ZBTB39: variants seen among roughly 807,000 people sequenced by gnomAD.
ZBTB39 encodes zinc finger and BTB domain-containing protein 39.
ZBTB39 carries 25 observed loss-of-function variants against 39.4 expected under a neutral mutation model. The observed-to-expected ratio is 0.63, with a 90% CI of 0.46 to 0.89. The LOEUF is 0.89. Ranked by LOEUF, ZBTB39 falls within the 40% of genes least tolerant of loss-of-function variation. The probability of loss-of-function intolerance (pLI) is 0.00; values close to 1 mark genes in which losing one functional copy is unlikely to be tolerated. For missense variants in ZBTB39, 891 were observed against 909.7 expected, an observed-to-expected ratio of 0.98 and a Z score of 0.26; for synonymous variants, 373 against 359.6, an observed-to-expected ratio of 1.04 and a Z score of -0.42.
Position 57,000,076 on chromosome 12 carries a change from CA to C in ZBTB39, c.*2702del, listed in dbSNP as rs1565629362. 1 of 152,058 alleles carries C rather than the reference CA, an allele frequency of 6.6e-6. No individual in the cohort carries two copies. Among genetic ancestry groups the C allele is most frequent in the Non-Finnish European group, 1.5e-5 (1 of 67,984 alleles). The allele number at this position is 152,058 out of a possible 1,614,324, so 9.4% of individuals were successfully genotyped here. A position where few individuals can be genotyped will look rare whatever the true frequency, so the allele number is the denominator to read the frequency against. On this transcript the variant is annotated 3_prime_UTR_variant, in exon 2 of 2. Transcript: ENST00000300101. ...AGGTATCCCAGGGTGCCCTCTGCCA[CA>C]ATATAGTGTTTCAAGCAAAACCATT...
rs751035581 is a variant in ZBTB39, at chr12:57,003,813, G to A, written c.1105C>T (p.Leu369=). The A allele has an allele frequency of 2.5e-6, 4 of 1,614,206 alleles. No homozygotes were observed. The highest frequency in any genetic ancestry group is 3.4e-6 in the Non-Finnish European group (4 of 1,180,044). The change falls in exon 2 of 2, where the codon CTG becomes TTG. Residue 369 remains leucine, a synonymous_variant. Transcript: ENST00000300101. This position sits in a 1 kb window ranked among gnomAD's most constrained non-coding sequence, Gnocchi z 4.8. ...IRQHARDHVD[L]LTGNCKVCET... is the part of the protein sequence containing the mutation. ...CAGACCTTGCAGTTGCCCGTCAGCA[G>A]GTCCACATGGTCCCGAGCATGCTGC...
rs1956197713 is a variant in ZBTB39, at chr12:56,999,452, A to G, written c.*3327T>C. The G allele has an allele frequency of 6.6e-6, 1 of 152,314 alleles. No homozygotes were observed. Among genetic ancestry groups the G allele is most frequent in the Non-Finnish European group, 1.5e-5 (1 of 68,018 alleles). The allele number at this position is 152,314 out of a possible 1,614,324, so 9.4% of individuals were successfully genotyped here. ...AGCCCAAAGGTTTGGCCTGGAGACAAACAGGTACTCACAGATCAGAAAAGC... is the reference window on the plus strand; with the variant it reads ...AGCCCAAAGGTTTGGCCTGGAGACAGACAGGTACTCACAGATCAGAAAAGC... On this transcript the variant is annotated 3_prime_UTR_variant, in exon 2 of 2. Coordinates refer to ENST00000300101, the MANE Select transcript of ZBTB39 (RefSeq NM_014830.3).
rs773261189 is a variant in ZBTB39, at chr12:57,004,609, G to A, written c.309C>T (p.Tyr103=). Residue 103 remains tyrosine (Y), a synonymous_variant, in exon 2 of 2, where the codon TAC becomes TAT. Coordinates refer to ENST00000300101, the MANE Select transcript of ZBTB39 (RefSeq NM_014830.3). The part of the protein sequence containing the change: ...FTDLINVGVI[Y]EVAERLGMED... Reference sequence around the variant, plus strand: ...CCATACCCAGACGCTCAGCTACCTCGTAGATGACCCCAACATTGATCAGGT... The same window carrying A: ...CCATACCCAGACGCTCAGCTACCTCATAGATGACCCCAACATTGATCAGGT... 7 of 1,614,216 alleles carry A rather than the reference G, an allele frequency of 4.3e-6. No homozygotes were observed. Among genetic ancestry groups the A allele is most frequent in the East Asian group, 2.2e-5 (1 of 44,882 alleles).
rs1956226383 is a variant in ZBTB39, at chr12:57,003,754, T to C, written c.1164A>G (p.Val388=). Residue 388 remains valine (V), a synonymous_variant, in exon 2 of 2, where the codon GTA becomes GTG. Coordinates refer to ENST00000300101, the MANE Select transcript of ZBTB39 (RefSeq NM_014830.3). This position sits in a 1 kb window ranked among gnomAD's most constrained non-coding sequence, Gnocchi z 4.8. ...ETHFQDRNSR[V]THVLSHIGIF... ...TACCAATGTGGGACAGGACATGAGT[T>C]ACCCGGGAGTTTCGGTCCTGGAAGT... The C allele has an allele frequency of 6.2e-7, 1 of 1,614,198 alleles. No homozygotes were observed. The highest frequency in any genetic ancestry group is 2.2e-5 in the East Asian group (1 of 44,890).
Position 57,004,138 on chromosome 12 carries a change from G to A in ZBTB39, c.780C>T (p.Phe260=). Residue 260 remains phenylalanine (F), a synonymous_variant, in exon 2 of 2, where the codon TTC becomes TTT. Coordinates refer to ENST00000300101, the MANE Select transcript of ZBTB39 (RefSeq NM_014830.3). ...TGTCTACTGCATTGTCAGGGGTGAG[G>A]AAGCTGTTTTTACTGAAGTCTCCAT... ...QSNGDFSKNS[F]LTPDNAVDIT... The A allele has an allele frequency of 6.2e-7, 1 of 1,614,208 alleles. No individual in the cohort carries two copies. The highest frequency in any genetic ancestry group is 8.5e-7 in the Non-Finnish European group (1 of 1,180,044).
At position 56,998,846 on chromosome 12, in the gene ZBTB39, CTTTT is replaced by C. The variant is rs958677440; in HGVS notation, c.*3929_*3932del. ...GGAAGAGAACTCTCATTTCAAATTT[CTTTT>C]TTTATTCTAAATAAAAACCACACTT... is the stretch of plus-strand genomic sequence containing the variant. On this transcript the variant is annotated 3_prime_UTR_variant, in exon 2 of 2. Coordinates refer to ENST00000300101, the MANE Select transcript of ZBTB39 (RefSeq NM_014830.3). 6.6e-6 allele frequency: 1 copy of C among 152,578 alleles called. No homozygotes were observed. The highest frequency in any genetic ancestry group is 1.5e-5 in the Non-Finnish European group (1 of 68,016). 9.5% of individuals were successfully genotyped at this position (152,578 alleles called of 1,614,324 possible).
Position 57,003,755 on chromosome 12 carries a change from AC to A in ZBTB39, c.1162del (p.Val388Ter). The part of the protein sequence containing the change: ...ETHFQDRNSR[V>X]THVLSHIGIF... ...ACCAATGTGGGACAGGACATGAGTT[AC>A]CCGGGAGTTTCGGTCCTGGAAGTGG... On this transcript the variant is annotated frameshift_variant, in exon 2 of 2. Coordinates refer to ENST00000300101, the MANE Select transcript of ZBTB39 (RefSeq NM_014830.3). LOFTEE classifies it high-confidence loss of function. This position sits in a 1 kb window ranked among gnomAD's most constrained non-coding sequence, Gnocchi z 4.8. 6.2e-7 allele frequency: 1 copy of A among 1,614,148 alleles called. No individual in the cohort carries two copies. Among genetic ancestry groups the A allele is most frequent in the Non-Finnish European group, 8.5e-7 (1 of 1,180,028 alleles).
chr12:57,004,360 C>G lies in ZBTB39; in HGVS notation c.558G>C (p.Glu186Asp). The G allele has an allele frequency of 6.2e-7, 1 of 1,614,200 alleles. No homozygotes were observed. The highest frequency in any genetic ancestry group is 1.3e-5 in the African/African-American group (1 of 75,048). The change falls in exon 2 of 2, where the codon GAG becomes GAC. Residue 186 changes from glutamate to aspartate, a missense_variant. Glu to Asp is a conservative substitution (Grantham distance 45, BLOSUM62 2). Coordinates refer to ENST00000300101, the MANE Select transcript of ZBTB39 (RefSeq NM_014830.3). Reference sequence around the variant, plus strand: ...GGTTAGCGTCACTGGCAACATTCTTCTCTTCCTCTTTATAGCTCCCTCCAG... The same window carrying G: ...GGTTAGCGTCACTGGCAACATTCTTGTCTTCCTCTTTATAGCTCCCTCCAG... ...SDAGGSYKEE[E>D]KNVASDANHS...
Position 57,000,784 on chromosome 12 carries a change from C to T in ZBTB39, c.*1995G>A, listed in dbSNP as rs1956205528. 1 of 152,228 alleles carries T rather than the reference C, an allele frequency of 6.6e-6. No individual in the cohort carries two copies. Among genetic ancestry groups the T allele is most frequent in the Non-Finnish European group, 1.5e-5 (1 of 68,064 alleles). The allele number at this position is 152,228 out of a possible 1,614,324, so 9.4% of individuals were successfully genotyped here. On this transcript the variant is annotated 3_prime_UTR_variant, in exon 2 of 2. Coordinates refer to ENST00000300101, the MANE Select transcript of ZBTB39 (RefSeq NM_014830.3). ...CTGGCCACTGTACAAGTCCCTTCAT[C>T]TAATGGTCACCCCACCAGAGAGCCA...
rs189761622 is a variant in ZBTB39, at chr12:56,998,979, G to T, written c.*3800C>A. On this transcript the variant is annotated 3_prime_UTR_variant, in exon 2 of 2. Transcript: ENST00000300101. ...AAATATACAAAACTTTACAGCAATA[G>T]ATAGTAAACACTTAAATATTAGGAG... is the stretch of plus-strand genomic sequence containing the variant. The T allele has an allele frequency of 3.8e-4, 58 of 152,724 alleles. No homozygotes were observed. The highest frequency in any genetic ancestry group is 1.6e-4 in the Non-Finnish European group (11 of 68,024). The allele number at this position is 152,724 out of a possible 1,614,324, so 9.5% of individuals were successfully genotyped here. A position where few individuals can be genotyped will look rare whatever the true frequency, so the allele number is the denominator to read the frequency against.
In ZBTB39 at chr12:57,002,633, T is replaced by G; in HGVS notation, c.*146A>C. ...ACAGTAACAGCTTATGTGCTATTTCTTCTTCTTTTCTTCTTTAAACACAAC... is the reference window on the plus strand; with the variant it reads ...ACAGTAACAGCTTATGTGCTATTTCGTCTTCTTTTCTTCTTTAAACACAAC... On this transcript the variant is annotated 3_prime_UTR_variant, in exon 2 of 2. Transcript: ENST00000300101. The G allele has an allele frequency of 2.7e-6, 2 of 752,834 alleles. No homozygotes were observed. Among genetic ancestry groups the G allele is most frequent in the Admixed American group, 2.9e-5 (1 of 34,766 alleles). 46.6% of individuals were successfully genotyped at this position (752,834 alleles called of 1,614,324 possible). A position where few individuals can be genotyped will look rare whatever the true frequency, so the allele number is the denominator to read the frequency against.
intron 1 of ZBTB39, among the ~76,000 whole-genome samples, chr12:57,005,285 T>C (rs894374597): frequency 5.9e-5 from 9 of 152,256 alleles, no homozygotes; most frequent in Admixed American, 2.6e-4. Context: ...TTTTCTCCTA[T>C]TAATTTCCTC....
rs934406478 is a variant in ZBTB39 at position 56,999,786 on chromosome 12, T to C, written c.*2993A>G. 6.6e-6 allele frequency: 1 copy of C among 152,178 alleles called. No individual in the cohort carries two copies. 9.4% of individuals were successfully genotyped at this position (152,178 alleles called of 1,614,324 possible). On this transcript the variant is annotated 3_prime_UTR_variant, in exon 2 of 2. Coordinates refer to ENST00000300101, the MANE Select transcript of ZBTB39 (RefSeq NM_014830.3). Reference sequence around the variant, plus strand: ...TTCCCCTCGGAAAACAAGTTGGGAATGGCCTCATATTTGGTTTAATGCTCT... The same window carrying C: ...TTCCCCTCGGAAAACAAGTTGGGAACGGCCTCATATTTGGTTTAATGCTCT...
chr12:57,005,015 G>A, intron 1 of ZBTB39, 54 bp from the exon 2 acceptor site: 1 of 1,286,796 alleles, frequency 7.8e-7, no homozygotes, highest in Non-Finnish European at 1.1e-6. Context: ...TGCAAAAGAG[G>A]GGCTATGCAG....
rs1323176787 is a variant in ZBTB39, at chr12:57,003,400, T to C, written c.1518A>G (p.Ser506=). Residue 506 remains serine, a synonymous_variant, in exon 2 of 2, where the codon TCA becomes TCG. Transcript: ENST00000300101. The surrounding 1 kb of genome is among the most constrained non-coding windows in gnomAD (Gnocchi z 4.8). ...TCGCACAGACAGAACAGGAGAAGAC[T>C]GAGATGCCGAGATGGGACAGCGTGT... The part of the protein sequence containing the change: ...MWHTLSHLGI[S]VFSCSVCANS... 3 of 1,614,034 alleles carry C rather than the reference T, an allele frequency of 1.9e-6. No individual in the cohort carries two copies. Among genetic ancestry groups the C allele is most frequent in the African/African-American group, 2.7e-5 (2 of 74,922 alleles).
chr12:57,002,780 C>T lies in ZBTB39; in HGVS notation c.2138G>A (p.Ter713=). The T allele has an allele frequency of 6.2e-7, 1 of 1,611,020 alleles. No individual in the cohort carries two copies. The highest frequency in any genetic ancestry group is 8.5e-7 in the Non-Finnish European group (1 of 1,177,568). ...SKEADKNPDS[*] is the part of the protein sequence containing the mutation. Reference sequence around the variant, plus strand: ...CCCCGTGGCTCTGCCGGGACCCAGTCAACTGTCCGGGTTCTTATCCGCCTC... The same window carrying T: ...CCCCGTGGCTCTGCCGGGACCCAGTTAACTGTCCGGGTTCTTATCCGCCTC... Residue 713 remains the stop codon, a stop_retained_variant, in exon 2 of 2, where the codon TGA becomes TAA. Transcript: ENST00000300101.
chr12:57,005,493 C>G (rs2136411291), intron 1 of ZBTB39, among the ~76,000 whole-genome samples: 1 of 152,204 alleles, frequency 6.6e-6, no homozygotes, highest in East Asian at 1.9e-4. Flanking sequence ...TTCTTGAATC[C>G]CCATCTCTCT....
intron 1 of ZBTB39, 40 bp from the exon 2 acceptor site, chr12:57,005,001 T>A (rs1956236768): frequency 5.6e-6 from 8 of 1,424,864 alleles, no homozygotes; most frequent in South Asian, 5.5e-5. Flanking sequence ...GCCAAACACA[T>A]CCGTGCAAAA....
In ZBTB39 at chr12:57,004,054, A is replaced by C. The variant is rs779848293; in HGVS notation, c.864T>G (p.Phe288Leu). 6.2e-7 allele frequency: 1 copy of C among 1,614,248 alleles called. No individual in the cohort carries two copies. Among genetic ancestry groups the C allele is most frequent in the Admixed American group, 1.7e-5 (1 of 60,022 alleles). ...SNSEHSKDPG[F>L]GQMDELQLED... is the part of the protein sequence containing the mutation. ...CGAGCTGGAGCTCATCCATCTGCCC[A>C]AAGCCAGGATCTTTGGAGTGCTCAC... The change falls in exon 2 of 2, where the codon TTT becomes TTG. Residue 288 changes from phenylalanine (F) to leucine (L), a missense_variant. By Grantham distance (22) the Phe-to-Leu change is conservative. Transcript: ENST00000300101.
Sources: allele counts gnomAD v4.1 joint callset (sites outside exome capture counted in the v4.1 genomes callset), GRCh38; gene constraint gnomAD v4.1.1; non-coding constraint Gnocchi (gnomAD v3.1); transcripts MANE v1.5; gene names NCBI Gene and HGNC (gene_info 2026-07-23, HGNC 2026-07-21).